The following SAMMSON variants were observed in gnomAD, a reference collection of about 807,000 sequenced individuals.
SAMMSON encodes the protein survival associated mitochondrial melanoma specific oncogenic non-coding RNA, also known as long intergenic non-protein coding RNA 1212.
At position 70,313,843 on chromosome 3, in the gene SAMMSON, C is replaced by A. The variant is rs576067866; in HGVS notation, n.739+22600C>A. Among the ~76,000 whole-genome samples, 13 of 152,210 alleles carry A rather than the reference C, an allele frequency of 8.5e-5. 1 individual carries two copies. Among genetic ancestry groups the A allele is most frequent in the African/African-American group, 2.6e-4 (11 of 41,558 alleles). On this transcript the variant is annotated intron_variant and non_coding_transcript_variant, in intron 7 of 9. Coordinates refer to ENST00000642114, the Ensembl canonical transcript of SAMMSON. ...TTATTAATAAGATAAATTTCAGATTCCTTAGATGGGTAAGGAAGACCTTGA... is the reference window on the plus strand; with the variant it reads ...TTATTAATAAGATAAATTTCAGATTACTTAGATGGGTAAGGAAGACCTTGA...
intron 4 of SAMMSON, among the ~76,000 whole-genome samples, chr3:70,119,098 C>G (rs1446555407): frequency 2.0e-5 from 3 of 152,138 alleles, no homozygotes; most frequent in Non-Finnish European, 4.4e-5. Flanking sequence ...CGGAGTTTCG[C>G]TCTTGTTACC....
At chr3:70,187,597 C>G (rs1363103274) in intron 4 of SAMMSON, among the ~76,000 whole-genome samples, 2 of 151,612 alleles carry the variant, frequency 1.3e-5, no homozygotes, top group Admixed American at 6.6e-5. Context: ...GCCACCATGC[C>G]CGGCTAATTT....
At chr3:70,261,811 C>G (rs1172752806) in intron 6 of SAMMSON, among the ~76,000 whole-genome samples, 1 of 152,148 alleles carries the variant, frequency 6.6e-6, no homozygotes. Context: ...CCCGTGGAAC[C>G]AAGAAGACTA....
At chr3:70,064,708 T>G (rs1353315239) in intron 3 of SAMMSON, among the ~76,000 whole-genome samples, 1 of 152,132 alleles carries the variant, frequency 6.6e-6, no homozygotes, top group Non-Finnish European at 1.5e-5. Context: ...GCACAAAACA[T>G]GCCAAGAAGT....
chr3:70,203,611 T>C (rs184404461), intron 4 of SAMMSON, among the ~76,000 whole-genome samples: 17 of 152,288 alleles, frequency 1.1e-4, no homozygotes, highest in African/African-American at 3.4e-4. Context: ...TGAAACATTT[T>C]ATAAGGTGAC....
intron 4 of SAMMSON, among the ~76,000 whole-genome samples, chr3:70,197,798 T>C (rs1475497937): frequency 6.6e-6 from 1 of 152,228 alleles, no homozygotes; most frequent in Non-Finnish European, 1.5e-5. Flanking sequence ...TGTAAAGCCT[T>C]GATTTTATAT....
chr3:70,073,317 T>C (rs933994837), intron 4 of SAMMSON, among the ~76,000 whole-genome samples: 17 of 152,144 alleles, frequency 1.1e-4, no homozygotes, highest in African/African-American at 4.1e-4. Flanking sequence ...GAGGACAACA[T>C]GAAAAATGAA....
At chr3:70,425,322 C>G (rs900237859) in intron 2 of SAMMSON, 10 of 152,272 alleles carry the variant, frequency 6.6e-5, no homozygotes, top group Middle Eastern at 6.8e-3. Context: ...AAGAAACTCC[C>G]TGATCTGCCT....
chr3:70,265,329 A>T (rs1002000062), intron 6 of SAMMSON, among the ~76,000 whole-genome samples: 1 of 152,208 alleles, frequency 6.6e-6, no homozygotes, highest in African/African-American at 2.4e-5. Flanking sequence ...CCCAAGTGTG[A>T]TATTCTTTTC....
chr3:70,059,422 T>G (rs114121504), intron 3 of SAMMSON, among the ~76,000 whole-genome samples: 1 of 152,162 alleles, frequency 6.6e-6, no homozygotes, highest in South Asian at 2.1e-4. Flanking sequence ...ATCTGCAAGA[T>G]GAAGGCCCAG....
intron 4 of SAMMSON, among the ~76,000 whole-genome samples, chr3:70,213,942 A>C (rs1288603780): frequency 1.3e-5 from 2 of 152,110 alleles, no homozygotes; most frequent in Admixed American, 1.3e-4. Flanking sequence ...CATTGAGAAA[A>C]GCATAATAAA....
chr3:70,092,533 T>A (rs1264045546), intron 4 of SAMMSON, among the ~76,000 whole-genome samples: 2 of 151,854 alleles, frequency 1.3e-5, no homozygotes, highest in Non-Finnish European at 2.9e-5. Context: ...ACATCATCTA[T>A]CATTTTATTA....
intron 8 of SAMMSON, among the ~76,000 whole-genome samples, chr3:70,357,414 T>A (rs746328909): frequency 6.6e-6 from 1 of 152,148 alleles, no homozygotes; most frequent in Non-Finnish European, 1.5e-5. Flanking sequence ...ATATTTAGGG[T>A]TAATGCCTAT....
chr3:70,285,628 G>T (rs1403849052), intron 6 of SAMMSON, among the ~76,000 whole-genome samples: 1 of 150,620 alleles, frequency 6.6e-6, no homozygotes, highest in Non-Finnish European at 1.5e-5. Context: ...CTGAGGAATC[G>T]CCACACTGAC....
At chr3:70,006,854 G>T (rs745957989) in intron 1 of SAMMSON, among the ~76,000 whole-genome samples, 4 of 135,332 alleles carry the variant, frequency 3.0e-5, no homozygotes, top group Non-Finnish European at 6.1e-5. Flanking sequence ...GTGTCCATGT[G>T]CTCTCATTGT....
At chr3:70,060,024 G>A (rs1370445295) in intron 3 of SAMMSON, among the ~76,000 whole-genome samples, 2 of 152,112 alleles carry the variant, frequency 1.3e-5, no homozygotes, top group African/African-American at 4.8e-5. Context: ...TATGAAAAAA[G>A]AAAGACCTTT....
At chr3:70,348,653 T>C (rs1702770254) in intron 7 of SAMMSON, among the ~76,000 whole-genome samples, 1 of 152,124 alleles carries the variant, frequency 6.6e-6, no homozygotes, top group African/African-American at 2.4e-5. Context: ...ATTTAGTCTA[T>C]AGTAGGTCTC....
chr3:70,404,655 A>T (rs1000225284), intron 2 of SAMMSON, among the ~76,000 whole-genome samples: 2 of 152,206 alleles, frequency 1.3e-5, no homozygotes, highest in South Asian at 2.1e-4. Flanking sequence ...ACCAGCATTT[A>T]AAAAATATCA....
intron 3 of SAMMSON, among the ~76,000 whole-genome samples, chr3:70,046,821 T>A (rs2107588117): frequency 6.6e-6 from 1 of 152,240 alleles, no homozygotes; most frequent in Admixed American, 6.5e-5. Flanking sequence ...TGGCCCACAT[T>A]CTTTGTCTGG....
Sources: allele counts gnomAD v4.1 joint callset (sites outside exome capture counted in the v4.1 genomes callset), GRCh38; gene constraint gnomAD v4.1.1; transcripts MANE v1.5; gene names NCBI Gene and HGNC (gene_info 2026-07-23, HGNC 2026-07-21).